Variants in NRXN3 observed in about 807,000 individuals in gnomAD.
NRXN3 encodes neurexin 3, also known as neurexin III.
In NRXN3, 32 loss-of-function variants were observed where a neutral mutation model predicts 137.6. That is an observed-to-expected ratio of 0.23 (90% confidence interval 0.18 to 0.31). The LOEUF is 0.31. NRXN3 is among the 10% of genes least tolerant of loss of function. NRXN3 has a pLI of 1.00. For synonymous variants in NRXN3, 798 were observed against 784.5 expected (o/e 1.02, Z -0.29); for missense variants, 1,574 against 2,062.5 (o/e 0.76, Z 4.59).
chr14:78,748,178 A>T (rs2098621629), intron 8 of NRXN3, among the ~76,000 whole-genome samples: 2 of 152,154 alleles, frequency 1.3e-5, no homozygotes, highest in African/African-American at 4.8e-5. Flanking sequence ...AATCAGACAG[A>T]ACCCCTTTCT....
At chr14:78,444,179 A>G (rs887983096) in intron 4 of NRXN3, among the ~76,000 whole-genome samples, 5 of 152,256 alleles carry the variant, frequency 3.3e-5, no homozygotes, top group African/African-American at 9.6e-5. Flanking sequence ...AATATAAGCC[A>G]TGTCCTTCCC....
At chr14:79,708,985 G>C (rs1040674554) in intron 19 of NRXN3, among the ~76,000 whole-genome samples, 1 of 141,160 alleles carries the variant, frequency 7.1e-6, no homozygotes, top group African/African-American at 2.6e-5. Context: ...GTGTGTGTGA[G>C]AGAGAGAGAG....
intron 16 of NRXN3, among the ~76,000 whole-genome samples, chr14:79,496,346 C>T (rs1380328168): frequency 6.6e-6 from 1 of 151,870 alleles, no homozygotes; most frequent in African/African-American, 2.4e-5. Flanking sequence ...CTGATCTGAT[C>T]AAAGAGTGTC....
At chr14:79,118,254 T>C (rs939399729) in intron 15 of NRXN3, among the ~76,000 whole-genome samples, 2 of 152,210 alleles carry the variant, frequency 1.3e-5, no homozygotes, top group African/African-American at 4.8e-5. Flanking sequence ...GGATAGTTTT[T>C]AACCTTAGTT....
intron 16 of NRXN3, among the ~76,000 whole-genome samples, chr14:79,479,212 C>T (rs986651412): frequency 1.3e-5 from 2 of 152,000 alleles, no homozygotes; most frequent in South Asian, 2.1e-4. Context: ...CTTTTCATGG[C>T]TAAAAACCCA....
chr14:79,790,588 C>G (rs917967767), intron 19 of NRXN3, among the ~76,000 whole-genome samples: 1 of 146,160 alleles, frequency 6.8e-6, no homozygotes, highest in Non-Finnish European at 1.5e-5. Context: ...TAATTACAGG[C>G]GTGGGCCACT....
chr14:79,172,302 G>GA (rs142455230), intron 15 of NRXN3, among the ~76,000 whole-genome samples: 8 of 152,002 alleles, frequency 5.3e-5, no homozygotes, highest in South Asian at 2.1e-4. Flanking sequence ...GTAGAATGGA[G>GA]AAAAAAAATT....
intron 10 of NRXN3, among the ~76,000 whole-genome samples, chr14:78,820,849 T>C (rs973989492): frequency 6.6e-6 from 1 of 152,124 alleles, no homozygotes; most frequent in Non-Finnish European, 1.5e-5. Context: ...GTAATGGAGA[T>C]CATGTCCTCT....
At chr14:78,938,842 A>ATTTTTCTTTTTTTTT (rs1555602877) in intron 10 of NRXN3, among the ~76,000 whole-genome samples, 8 of 134,386 alleles carry the variant, frequency 6.0e-5, no homozygotes, top group African/African-American at 2.1e-4. Flanking sequence ...GTCCAGAGTG[A>ATTTTTCTTTTTTTTT]TTTTTCTTTT....
rs965920523 is a variant in NRXN3 at position 78,903,147 on chromosome 14, C to CTT, written c.2276-54079_2276-54078dup. Among the ~76,000 whole-genome samples the CTT allele has an allele frequency of 1.1e-3, 134 of 121,484 alleles. 2 individuals carry two copies. Among genetic ancestry groups the CTT allele is most frequent in the South Asian group, 2.9e-3 (11 of 3,828 alleles). The allele number at this position is 121,484 out of a possible 152,430, so 79.7% of individuals were successfully genotyped here. A position where few individuals can be genotyped will look rare whatever the true frequency, so the allele number is the denominator to read the frequency against. On this transcript the variant is annotated intron_variant, in intron 10 of 20. Coordinates refer to ENST00000335750, the MANE Select transcript of NRXN3 (RefSeq NM_001330195.2). ...GAAATAAACAATGAAGTTTCATCTT[C>CTT]TTTTTTTTTTTTTTTTTCTGAGACA...
In NRXN3 at chr14:78,600,191, C is replaced by T. The variant is rs149066693; in HGVS notation, c.758-44929C>T. On this transcript the variant is annotated intron_variant, in intron 4 of 20. Transcript: ENST00000335750. ...TGGAACCACTCTAGTACCTGACACACCTACTCTTGACCCAGCTTTTTCACT... is the reference window on the plus strand; with the variant it reads ...TGGAACCACTCTAGTACCTGACACATCTACTCTTGACCCAGCTTTTTCACT... Among the ~76,000 whole-genome samples the T allele has an allele frequency of 3.2e-3, 485 of 152,260 alleles. 3 individuals are homozygous for T. Among genetic ancestry groups the T allele is most frequent in the African/African-American group, 0.011 (462 of 41,538 alleles).
chr14:79,776,574 T>C (rs1439670261), intron 19 of NRXN3, among the ~76,000 whole-genome samples: 1 of 152,190 alleles, frequency 6.6e-6, no homozygotes, highest in East Asian at 1.9e-4. Context: ...GTGTGTGCTG[T>C]TCTGTATTGC....
intron 15 of NRXN3, among the ~76,000 whole-genome samples, chr14:79,021,727 T>G (rs1378695139): frequency 6.6e-6 from 1 of 152,206 alleles, no homozygotes; most frequent in Non-Finnish European, 1.5e-5. Flanking sequence ...GAAAATTGGC[T>G]TGGCAGTGCC....
chr14:78,378,465 A>G (rs982115542), intron 4 of NRXN3, among the ~76,000 whole-genome samples: 1 of 141,140 alleles, frequency 7.1e-6, no homozygotes, highest in African/African-American at 2.7e-5. Flanking sequence ...AGCCTGGGCA[A>G]CAGAACAGGA....
intron 19 of NRXN3, among the ~76,000 whole-genome samples, chr14:79,737,888 A>G (rs1378553899): frequency 6.6e-6 from 1 of 152,120 alleles, no homozygotes; most frequent in East Asian, 1.9e-4. Context: ...AAAGTATTCT[A>G]ACAATCCAAA....
chr14:78,666,710 T>C (rs2097889718), intron 6 of NRXN3, among the ~76,000 whole-genome samples: 1 of 152,196 alleles, frequency 6.6e-6, no homozygotes, highest in Non-Finnish European at 1.5e-5. Flanking sequence ...TGCCTCTCCC[T>C]CTGCCCCCAT....
intron 19 of NRXN3, among the ~76,000 whole-genome samples, chr14:79,760,127 C>T (rs2099033342): frequency 6.6e-6 from 1 of 151,540 alleles, no homozygotes; most frequent in African/African-American, 2.4e-5. Context: ...ACATAAAATA[C>T]ACTTGTCCAA....
intron 16 of NRXN3, among the ~76,000 whole-genome samples, chr14:79,648,212 A>AC (rs1486237884): frequency 2.2e-5 from 3 of 134,352 alleles, no homozygotes; most frequent in African/African-American, 7.4e-5. Flanking sequence ...AAACAAACAA[A>AC]AAACAGAAAA....
At chr14:78,618,627 C>T (rs1253918207) in intron 4 of NRXN3, among the ~76,000 whole-genome samples, 2 of 152,186 alleles carry the variant, frequency 1.3e-5, no homozygotes, top group African/African-American at 4.8e-5. Flanking sequence ...AGAATGTTCT[C>T]CCAGGAGAAC....
Sources: allele counts gnomAD v4.1 joint callset (sites outside exome capture counted in the v4.1 genomes callset), GRCh38; gene constraint gnomAD v4.1.1; transcripts MANE v1.5; gene names NCBI Gene and HGNC (gene_info 2026-07-23, HGNC 2026-07-21).